Variants in PRDM14 observed in about 807,000 individuals in gnomAD.
The protein encoded by PRDM14 is PR domain zinc finger protein 14.
PRDM14 carries 16 observed loss-of-function variants against 48.0 expected under a neutral mutation model. That is an observed-to-expected ratio of 0.33 (90% CI 0.23 to 0.51). The LOEUF is 0.51. Among genes scored for constraint, PRDM14 ranks in the 20% least tolerant of loss-of-function variants. PRDM14 has a pLI of 0.97. For synonymous variants in PRDM14, 264 were observed against 276.6 expected (o/e 0.95, Z 0.45); for missense variants, 566 against 719.6 (o/e 0.79, Z 2.44).
chr8:70,068,057 A>T (rs529181243), intron 4 of PRDM14, among the ~76,000 whole-genome samples, 173 bp downstream of exon 4: 1 of 152,330 alleles, frequency 6.6e-6, no homozygotes, highest in South Asian at 2.1e-4. Flanking sequence ...TGCTATCCTC[A>T]TGGAGCAAAC....
At position 70,055,318 on chromosome 8, in the gene PRDM14, C is replaced by G; in HGVS notation, c.1470G>C (p.Gln490His). The change falls in exon 7 of 8, where the codon CAG becomes CAC. Residue 490 changes from glutamine to histidine, a missense_variant. Transcript: ENST00000276594. Reference protein sequence around the residue: ...MRVHSGDRPYQCVYCTKRFTA... With the variant: ...MRVHSGDRPYHCVYCTKRFTA... ...CATTTACCTTAGTACAATACACACA[C>G]TGGTATGGTCTGTCTCCAGAGTGGA... 6.3e-7 allele frequency: 1 copy of G among 1,599,972 alleles called. No individual in the cohort carries two copies. Among genetic ancestry groups the G allele is most frequent in the Non-Finnish European group, 8.6e-7 (1 of 1,167,332 alleles).
At chr8:70,064,049 T>C (rs1805627352) in intron 5 of PRDM14, among the ~76,000 whole-genome samples, 1 of 152,056 alleles carries the variant, frequency 6.6e-6, no homozygotes, top group Non-Finnish European at 1.5e-5. Flanking sequence ...TATGCAGATA[T>C]CAGAGGCGAT....
intron 4 of PRDM14, among the ~76,000 whole-genome samples, chr8:70,067,081 A>G (rs925454144): frequency 9.9e-5 from 15 of 152,182 alleles, no homozygotes; most frequent in African/African-American, 3.6e-4. Context: ...TTGCTTCCCA[A>G]ATTCCTATAG....
In PRDM14 at chr8:70,069,439, C is replaced by A. The variant is rs772538982; in HGVS notation, c.422G>T (p.Gly141Val). 1.3e-6 allele frequency: 2 copies of A among 1,587,566 alleles called. No individual in the cohort carries two copies. The highest frequency in any genetic ancestry group is 2.3e-5 in the South Asian group (2 of 86,830). Reference protein sequence around the residue: ...HQIIGGDNESGPCCGPDTLIP... With the variant: ...HQIIGGDNESVPCCGPDTLIP... Reference sequence around the variant, plus strand: ...TAAAGTGTCAGGTCCACAACACGGGCCACTCTCGTTGTCGCCACCAATGAT... The same window carrying A: ...TAAAGTGTCAGGTCCACAACACGGGACACTCTCGTTGTCGCCACCAATGAT... Residue 141 changes from glycine (G) to valine (V), a missense_variant, in exon 2 of 8, where the codon GGC (glycine) becomes GTC (valine). By Grantham distance (109) the Gly-to-Val change is moderately radical. Around this residue, in one of 3 missense-constraint regions of PRDM14, gnomAD observed 410 missense variants for 424.6 expected, o/e 0.97. Coordinates refer to ENST00000276594, the MANE Select transcript of PRDM14 (RefSeq NM_024504.4).
chr8:70,064,523 CTTTTTTTTTT>C (rs1170368852), intron 5 of PRDM14, among the ~76,000 whole-genome samples: 1 of 136,174 alleles, frequency 7.3e-6, no homozygotes, highest in African/African-American at 2.7e-5. Flanking sequence ...ATGCAATTTA[CTTTTTTTTTT>C]TTTTTTTTTG....
chr8:70,062,536 C>T (rs921757029), intron 5 of PRDM14, among the ~76,000 whole-genome samples: 1 of 151,410 alleles, frequency 6.6e-6, no homozygotes, highest in African/African-American at 2.4e-5. Flanking sequence ...GAATCTTGCT[C>T]GGTCTGCAAC....
At chr8:70,052,865 CAAAAAAAAAAA>C (rs71275047) in intron 7 of PRDM14, among the ~76,000 whole-genome samples, 613 of 24,356 alleles carry the variant, frequency 0.025, 10 homozygotes, top group African/African-American at 0.1. Context: ...ACTCTGTCTC[CAAAAAAAAAAA>C]AAAAAAAAAA....
At chr8:70,064,831 T>C (rs1303586664) in intron 5 of PRDM14, among the ~76,000 whole-genome samples, 1 of 151,512 alleles carries the variant, frequency 6.6e-6, no homozygotes, top group African/African-American at 2.4e-5. Flanking sequence ...GGCCATTTTT[T>C]TTTTAAACCT....
At chr8:70,058,408 A>G (rs1046397859) in intron 6 of PRDM14, among the ~76,000 whole-genome samples, 7 of 151,826 alleles carry the variant, frequency 4.6e-5, no homozygotes, top group Non-Finnish European at 1.0e-4. Flanking sequence ...GGCCGTGGAC[A>G]CTCCTTCCTC....
rs767322848 is a variant in PRDM14, at chr8:70,066,312, C to T, written c.1106G>A (p.Cys369Tyr). 5.0e-6 allele frequency: 8 copies of T among 1,614,166 alleles called. No individual in the cohort carries two copies. The highest frequency in any genetic ancestry group is 6.8e-6 in the Non-Finnish European group (8 of 1,180,038). ...AGGAATATCCAGAAATTTCTCATAG[C>T]AGTCTCCATACCACACAAGGAGCTC... Reference protein sequence around the residue: ...NQELLVWYGDCYEKFLDIPVS... With the variant: ...NQELLVWYGDYYEKFLDIPVS... Residue 369 changes from cysteine (C) to tyrosine (Y), a missense_variant, in exon 5 of 8, where the codon TGC (cysteine) becomes TAC (tyrosine). By Grantham distance (194) the Cys-to-Tyr change is radical. Transcript: ENST00000276594.
At chr8:70,053,394 T>C (rs1468092423) in intron 7 of PRDM14, among the ~76,000 whole-genome samples, 1 of 152,108 alleles carries the variant, frequency 6.6e-6, no homozygotes, top group East Asian at 1.9e-4. Flanking sequence ...ATTTGTTTGT[T>C]TGTTTGTTTG....
chr8:70,064,287 A>G (rs1167429726), intron 5 of PRDM14, among the ~76,000 whole-genome samples: 2 of 151,648 alleles, frequency 1.3e-5, no homozygotes, highest in Non-Finnish European at 2.9e-5. Context: ...ATTTCTGGAC[A>G]TTTCCTTGCC....
At chr8:70,066,598 A>G in intron 4 of PRDM14, 93 bp from the exon 5 acceptor site, 1 of 912,466 alleles carries the variant, frequency 1.1e-6, no homozygotes, top group Non-Finnish European at 1.7e-6. Context: ...TAAATATCAC[A>G]CTTGAGTCCA....
chr8:70,067,336 T>C (rs979669312), intron 4 of PRDM14, among the ~76,000 whole-genome samples: 10 of 152,014 alleles, frequency 6.6e-5, no homozygotes, highest in African/African-American at 2.2e-4. Context: ...CTGGCCAACA[T>C]GGTGAAACCC....
At chr8:70,060,284 T>C (rs539320733) in intron 5 of PRDM14, among the ~76,000 whole-genome samples, 18 of 150,726 alleles carry the variant, frequency 1.2e-4, no homozygotes, top group Non-Finnish European at 2.2e-4. Context: ...ACGCCTTTAG[T>C]CCCAGAGGCC....
At chr8:70,064,562 T>G (rs1326522892) in intron 5 of PRDM14, among the ~76,000 whole-genome samples, 1 of 150,948 alleles carries the variant, frequency 6.6e-6, no homozygotes, top group African/African-American at 2.4e-5. Flanking sequence ...TCTCGCTCTG[T>G]CGCCCAGGCT....
intron 4 of PRDM14, 107 bp from the exon 5 acceptor site, chr8:70,066,612 A>G (rs1243141078): frequency 1.3e-6 from 1 of 797,356 alleles, no homozygotes; most frequent in Non-Finnish European, 2.0e-6. Context: ...GAGTCCACCA[A>G]ATACACTTCT....
At chr8:70,052,855 ACT>A (rs1444222407) in intron 7 of PRDM14, among the ~76,000 whole-genome samples, 9 of 105,372 alleles carry the variant, frequency 8.5e-5, no homozygotes, top group African/African-American at 3.5e-4. Flanking sequence ...ACAGAGTGAG[ACT>A]CTGTCTCCAA....
intron 5 of PRDM14, among the ~76,000 whole-genome samples, chr8:70,060,579 C>T (rs962533949): frequency 3.3e-5 from 5 of 152,176 alleles, no homozygotes; most frequent in African/African-American, 1.2e-4. Context: ...ACAAAGTCTA[C>T]ATGTTGTATA....
Sources: gnomAD v4.1 joint callset for allele counts (sites outside exome capture counted in the v4.1 genomes callset) on GRCh38, gnomAD v4.1.1 for gene constraint, gnomAD v4.1.1 regional missense constraint, MANE v1.5 for transcripts, NCBI Gene and HGNC (gene_info 2026-07-23, HGNC 2026-07-21) for gene names.